Variants in ROBO2 observed in about 807,000 individuals in gnomAD.
ROBO2 encodes roundabout guidance receptor 2, also known as roundabout homolog 2.
ROBO2 carries 53 observed loss-of-function variants against 160.8 expected under a neutral mutation model. The observed-to-expected ratio is 0.33, with a 90% CI of 0.26 to 0.41. The LOEUF is 0.41. ROBO2 is among the 10% of genes least tolerant of loss of function. The pLI, the probability that ROBO2 is intolerant of heterozygous loss-of-function variation, is 1.00. For missense variants in ROBO2, 1,577 were observed against 1,722.4 expected (o/e 0.92, Z 1.49); for synonymous variants, 664 against 611.7 (o/e 1.09, Z -1.26).
intron 2 of ROBO2, among the ~76,000 whole-genome samples, chr3:76,320,528 A>G (rs149568095): frequency 1.2e-4 from 19 of 152,330 alleles, no homozygotes; most frequent in Non-Finnish European, 2.4e-4. Context: ...GTAGTTATCA[A>G]GCTGGGCAAA....
At chr3:76,371,012 C>T (rs965538409) in intron 2 of ROBO2, among the ~76,000 whole-genome samples, 5 of 151,800 alleles carry the variant, frequency 3.3e-5, no homozygotes, top group African/African-American at 1.2e-4. Flanking sequence ...AAGGATGCCT[C>T]CCCCATGAGT....
chr3:76,246,868 C>T (rs140684315), intron 2 of ROBO2, among the ~76,000 whole-genome samples: 1 of 152,172 alleles, frequency 6.6e-6, no homozygotes, highest in African/African-American at 2.4e-5. Flanking sequence ...TCCTTCCTAT[C>T]ATTTATTGCA....
chr3:76,907,630 A>G (rs2075691381), intron 2 of ROBO2, among the ~76,000 whole-genome samples: 2 of 152,250 alleles, frequency 1.3e-5, no homozygotes, highest in South Asian at 2.1e-4. Context: ...TCATTTAACA[A>G]TTTGATAATA....
At chr3:76,328,385 G>A (rs1328558608) in intron 2 of ROBO2, among the ~76,000 whole-genome samples, 1 of 152,180 alleles carries the variant, frequency 6.6e-6, no homozygotes, top group African/African-American at 2.4e-5. Context: ...ACTAGCAAAG[G>A]TTTTTCAAGC....
intron 2 of ROBO2, among the ~76,000 whole-genome samples, chr3:76,995,108 A>ACC (rs11370321): frequency 8.2e-6 from 1 of 121,758 alleles, no homozygotes; most frequent in Non-Finnish European, 1.7e-5. Flanking sequence ...AAGACCCCCC[A>ACC]CCCCCAACAG....
At chr3:77,605,908 G>T (rs2094518441) in intron 20 of ROBO2, among the ~76,000 whole-genome samples, 1 of 152,074 alleles carries the variant, frequency 6.6e-6, no homozygotes, top group Non-Finnish European at 1.5e-5. Flanking sequence ...AATAAAGGAG[G>T]TGAAACTAGA....
intron 2 of ROBO2, among the ~76,000 whole-genome samples, chr3:76,832,349 CT>C (rs2067164480): frequency 6.6e-6 from 1 of 152,154 alleles, no homozygotes; most frequent in African/African-American, 2.4e-5. Context: ...TTATAGCACA[CT>C]TATTAATGGC....
chr3:77,135,162 A>T (rs2076178133), intron 2 of ROBO2, among the ~76,000 whole-genome samples: 1 of 152,068 alleles, frequency 6.6e-6, no homozygotes, highest in Non-Finnish European at 1.5e-5. Flanking sequence ...AACATGCAAA[A>T]CTCCTATGCT....
chr3:76,027,171 T>C (rs1296758659), intron 2 of ROBO2, among the ~76,000 whole-genome samples: 1 of 152,036 alleles, frequency 6.6e-6, no homozygotes, highest in Non-Finnish European at 1.5e-5. Context: ...CATACACTTA[T>C]GCAATGTATT....
chr3:76,395,103 G>T (rs1364249607), intron 2 of ROBO2, among the ~76,000 whole-genome samples: 1 of 151,988 alleles, frequency 6.6e-6, no homozygotes, highest in Non-Finnish European at 1.5e-5. Flanking sequence ...AAATGTAAAA[G>T]AATAGAAATT....
intron 2 of ROBO2, among the ~76,000 whole-genome samples, chr3:76,676,560 T>TGA (rs2092413860): frequency 6.6e-6 from 1 of 152,066 alleles, no homozygotes; most frequent in Admixed American, 6.6e-5. Flanking sequence ...TGTGTGTGTG[T>TGA]GATTTCTTTT....
rs369545817 is a variant in ROBO2 at position 77,188,949 on chromosome 3, T to TTGTG, written c.388+90626_388+90629dup. 4.2e-3 allele frequency among the ~76,000 whole-genome samples: 597 copies of TTGTG among 142,880 alleles called. 1 individual carries two copies. The highest frequency in any genetic ancestry group is 0.013 in the African/African-American group (528 of 39,502). The allele number at this position is 142,880 out of a possible 152,430, so 93.7% of individuals were successfully genotyped here. ...TTGAAGCCAGATTACTTTTGTAATC[T>TTGTG]TGTGTGTGTGTGTGTGTGTGAGAGA... On this transcript the variant is annotated intron_variant, in intron 2 of 25. Transcript: ENST00000461745.
intron 2 of ROBO2, among the ~76,000 whole-genome samples, chr3:76,581,160 C>A (rs988283104): frequency 3.9e-5 from 6 of 152,016 alleles, no homozygotes; most frequent in African/African-American, 1.4e-4. Context: ...TATAAGGTAG[C>A]AAAGACAAAC....
intron 1 of ROBO2, among the ~76,000 whole-genome samples, chr3:77,070,068 A>C (rs1233503357): frequency 6.6e-6 from 1 of 152,076 alleles, no homozygotes; most frequent in Admixed American, 6.6e-5. Context: ...TATGAAGATG[A>C]TGAGAGGTTG....
intron 2 of ROBO2, among the ~76,000 whole-genome samples, chr3:77,109,474 A>G (rs1298781174): frequency 2.0e-5 from 3 of 152,234 alleles, no homozygotes; most frequent in African/African-American, 4.8e-5. Flanking sequence ...AGAACATTCA[A>G]TAGGATGGTC....
At chr3:76,927,447 G>A (rs1336439128) in intron 2 of ROBO2, among the ~76,000 whole-genome samples, 1 of 152,018 alleles carries the variant, frequency 6.6e-6, no homozygotes, top group African/African-American at 2.4e-5. Flanking sequence ...GCATAGCAGT[G>A]GAAAACCTTA....
chr3:76,533,802 T>A (rs935844087), intron 2 of ROBO2, among the ~76,000 whole-genome samples: 27 of 152,050 alleles, frequency 1.8e-4, no homozygotes, highest in Non-Finnish European at 3.2e-4. Context: ...GGAGAGACCA[T>A]GAGACTCACT....
At chr3:76,731,553 TG>T (rs1173625645) in intron 2 of ROBO2, among the ~76,000 whole-genome samples, 1 of 152,176 alleles carries the variant, frequency 6.6e-6, no homozygotes, top group African/African-American at 2.4e-5. Context: ...TACTCCTTTC[TG>T]TTGCCTGGCA....
intron 1 of ROBO2, among the ~76,000 whole-genome samples, chr3:75,927,976 C>CTTT (rs71101865): frequency 6.7e-5 from 7 of 104,002 alleles, no homozygotes; most frequent in African/African-American, 2.4e-4. Context: ...GATTTTCTCT[C>CTTT]TTTTTTTTTT....
Sources: gnomAD v4.1 joint callset for allele counts (sites outside exome capture counted in the v4.1 genomes callset) on GRCh38, gnomAD v4.1.1 for gene constraint, MANE v1.5 for transcripts, NCBI Gene and HGNC (gene_info 2026-07-23, HGNC 2026-07-21) for gene names.